ANK2: variants seen among roughly 807,000 people sequenced by gnomAD.
The protein encoded by ANK2 is ankyrin-2.
In ANK2, 83 loss-of-function variants were observed where a neutral mutation model predicts 360.5. The observed-to-expected ratio is 0.23, with a 90% CI of 0.19 to 0.28. The LOEUF (loss-of-function observed/expected upper bound fraction) is 0.28. ANK2 is among the 10% of genes least tolerant of loss of function. The pLI is 1.00. For synonymous variants in ANK2, 1,740 were observed against 1,759.5 expected (o/e 0.99, Z 0.28); for missense variants, 4,201 against 4,795.7 (o/e 0.88, Z 3.66).
intron 2 of ANK2, among the ~76,000 whole-genome samples, chr4:113,037,528 TA>T (rs2061879498): frequency 6.6e-6 from 1 of 151,968 alleles, no homozygotes; most frequent in Admixed American, 6.6e-5. Flanking sequence ...AGATACTATA[TA>T]GTAATTTGTA....
intron 45 of ANK2, chr4:113,374,846 T>C (rs1176618405): frequency 1.6e-6 from 2 of 1,274,166 alleles, no homozygotes; most frequent in East Asian, 1.1e-4. Context: ...GTCAGCAAAG[T>C]TGTTAAAACA....
At chr4:112,930,265 T>G (rs1428747623) in intron 2 of ANK2, among the ~76,000 whole-genome samples, 1 of 151,862 alleles carries the variant, frequency 6.6e-6, no homozygotes, top group East Asian at 1.9e-4. Flanking sequence ...GGCAACATGG[T>G]GAGACCCAGT....
At chr4:113,083,238 A>T (rs2083134099) in intron 1 of ANK2, among the ~76,000 whole-genome samples, 1 of 152,100 alleles carries the variant, frequency 6.6e-6, no homozygotes, top group South Asian at 2.1e-4. Flanking sequence ...GAGTGCAGTG[A>T]TGCAATCATA....
At chr4:113,235,595 A>AT (rs1197805841) in intron 5 of ANK2, among the ~76,000 whole-genome samples, 2 of 151,288 alleles carry the variant, frequency 1.3e-5, no homozygotes, top group Non-Finnish European at 2.9e-5. Flanking sequence ...CATTCATCTA[A>AT]TTTTTTCTTT....
At chr4:112,836,066 C>T (rs926265184) in intron 1 of ANK2, among the ~76,000 whole-genome samples, 7 of 152,106 alleles carry the variant, frequency 4.6e-5, no homozygotes, top group African/African-American at 1.7e-4. Flanking sequence ...TATGGTTTGG[C>T]TTTGTGTCCC....
chr4:113,278,451 C>A lies in ANK2; in HGVS notation c.1783-9C>A. The A allele has an allele frequency of 6.2e-7, 1 of 1,613,308 alleles. No homozygotes were observed. The highest frequency in any genetic ancestry group is 2.2e-5 in the East Asian group (1 of 44,836). On this transcript the variant is annotated splice_polypyrimidine_tract_variant and intron_variant, in intron 16 of 45. Coordinates refer to ENST00000357077, the MANE Select transcript of ANK2 (RefSeq NM_001148.6). Reference sequence around the variant, plus strand: ...TATTAATGCTGAAACTTAAACACACCCTTTACAGAACGGCCTTACCCCGCT... The same window carrying A: ...TATTAATGCTGAAACTTAAACACACACTTTACAGAACGGCCTTACCCCGCT...
chr4:113,093,587 AC>A (rs1442602505), intron 1 of ANK2, among the ~76,000 whole-genome samples: 1 of 152,126 alleles, frequency 6.6e-6, no homozygotes, highest in Admixed American at 6.6e-5. Flanking sequence ...TGATCTGCCT[AC>A]CTTGGCCTTC....
At chr4:112,928,503 C>T (rs928954911) in intron 2 of ANK2, among the ~76,000 whole-genome samples, 2 of 152,058 alleles carry the variant, frequency 1.3e-5, no homozygotes, top group South Asian at 2.1e-4. Flanking sequence ...CTCTGAATTT[C>T]GTATGTCGAA....
chr4:113,264,746 C>A (rs1175340155), intron 13 of ANK2, 151 bp from the exon 14 acceptor site: 3 of 683,232 alleles, frequency 4.4e-6, no homozygotes, highest in Non-Finnish European at 7.3e-6. Context: ...AGATACAAAT[C>A]TATATTTTCC....
At chr4:113,196,795 G>A (rs2098754326) in intron 3 of ANK2, among the ~76,000 whole-genome samples, 1 of 152,152 alleles carries the variant, frequency 6.6e-6, no homozygotes, top group Admixed American at 6.5e-5. Context: ...GGGATTATAG[G>A]CGTGAACCAC....
intron 2 of ANK2, among the ~76,000 whole-genome samples, chr4:113,015,872 T>C (rs907200616): frequency 6.6e-6 from 1 of 152,170 alleles, no homozygotes; most frequent in Non-Finnish European, 1.5e-5. Flanking sequence ...AAATAGCACA[T>C]TTGGGGAGAC....
intron 1 of ANK2, among the ~76,000 whole-genome samples, chr4:113,084,634 A>C (rs905110303): frequency 4.6e-5 from 7 of 152,186 alleles, no homozygotes; most frequent in Non-Finnish European, 7.3e-5. Context: ...CAAGGGTAAA[A>C]GGGGAGAAAC....
At chr4:113,338,102 G>C (rs1030095588) in intron 31 of ANK2, among the ~76,000 whole-genome samples, 1 of 152,028 alleles carries the variant, frequency 6.6e-6, no homozygotes, top group African/African-American at 2.4e-5. Context: ...CTAGATATTT[G>C]AGTCTTTGTA....
the ANK2 span, among the ~76,000 whole-genome samples, chr4:112,730,568 T>C: frequency 8.5e-6 from 1 of 118,126 alleles, no homozygotes; most frequent in African/African-American, 3.3e-5. Context: ...ACCTGGGAGG[T>C]GGAGATTGCA....
chr4:113,306,147 C>G (rs2077148589), intron 23 of ANK2, among the ~76,000 whole-genome samples: 2 of 152,206 alleles, frequency 1.3e-5, no homozygotes, highest in Admixed American at 6.5e-5. Context: ...CTTTAGGAAG[C>G]CTATATGGAG....
intron 45 of ANK2, among the ~76,000 whole-genome samples, chr4:113,378,522 A>G (rs2097045904): frequency 6.6e-6 from 1 of 152,228 alleles, no homozygotes; most frequent in African/African-American, 2.4e-5. Context: ...AGAAGAATCT[A>G]ATCGATGGAT....
intron 19 of ANK2, among the ~76,000 whole-genome samples, 182 bp from the exon 20 acceptor site, chr4:113,288,206 C>T (rs1479577490): frequency 6.6e-6 from 1 of 152,182 alleles, no homozygotes; most frequent in Non-Finnish European, 1.5e-5. Flanking sequence ...TCTGATCTCT[C>T]TTGCTGATAT....
At chr4:113,125,627 A>G (rs2095620863) in intron 1 of ANK2, among the ~76,000 whole-genome samples, 1 of 152,204 alleles carries the variant, frequency 6.6e-6, no homozygotes, top group Non-Finnish European at 1.5e-5. Context: ...GAGATCTGTT[A>G]GAATTCTTCC....
At position 113,358,440 on chromosome 4, in the gene ANK2, C is replaced by T. The variant is rs144939151; in HGVS notation, c.9822C>T (p.Pro3274=). 74 of 1,613,920 alleles carry T rather than the reference C, an allele frequency of 4.6e-5. No individual in the cohort carries two copies. Among genetic ancestry groups the T allele is most frequent in the Non-Finnish European group, 5.9e-5 (70 of 1,179,972 alleles). ...SVYSDRGDDS[P]DSSPEEQKSV... is the part of the protein sequence containing the mutation. Reference sequence around the variant, plus strand: ...ATTCAGATAGGGGTGATGATTCTCCCGATTCTTCCCCAGAAGAACAGAAAT... The same window carrying T: ...ATTCAGATAGGGGTGATGATTCTCCTGATTCTTCCCCAGAAGAACAGAAAT... The change falls in exon 38 of 46, where the codon CCC becomes CCT. Residue 3274 remains proline (P), a synonymous_variant. Coordinates refer to ENST00000357077, the MANE Select transcript of ANK2 (RefSeq NM_001148.6).
Sources: gnomAD v4.1 joint callset for allele counts (sites outside exome capture counted in the v4.1 genomes callset) on GRCh38, gnomAD v4.1.1 for gene constraint, MANE v1.5 for transcripts, NCBI Gene and HGNC (gene_info 2026-07-23, HGNC 2026-07-21) for gene names.